The following C1orf146 variants were observed in gnomAD, a reference collection of about 807,000 sequenced individuals.
C1orf146 encodes protein SPO16 homolog.
In C1orf146, 22 loss-of-function variants were observed where a neutral mutation model predicts 23.0. That is an observed-to-expected ratio of 0.96 (90% CI 0.68 to 1.36). The LOEUF (loss-of-function observed/expected upper bound fraction) is 1.36. Ranked by LOEUF, C1orf146 falls within the 40% of genes most tolerant of loss-of-function variation. The probability of loss-of-function intolerance (pLI) is 0.00; values close to 1 mark genes in which losing one functional copy is unlikely to be tolerated. For missense variants in C1orf146, 199 were observed against 206.8 expected (o/e 0.96, Z 0.23); for synonymous variants, 59 against 65.3 (o/e 0.90, Z 0.47).
At chr1:92,242,064 C>T in intron 2 of C1orf146, 148 bp from the exon 3 acceptor site, 1 of 470,314 alleles carries the variant, frequency 2.1e-6, no homozygotes, top group Non-Finnish European at 3.7e-6. Flanking sequence ...AGTTTTTTCT[C>T]CATAGAAAGC....
At chr1:92,219,699 A>C (rs1271229223) in intron 1 of C1orf146, among the ~76,000 whole-genome samples, 3 of 151,654 alleles carry the variant, frequency 2.0e-5, no homozygotes, top group Non-Finnish European at 4.4e-5. Context: ...GCTGGAGTAC[A>C]GTTGTTATTT....
chr1:92,244,001 T>C (rs925706162), intron 3 of C1orf146, among the ~76,000 whole-genome samples: 2 of 152,148 alleles, frequency 1.3e-5, no homozygotes, highest in African/African-American at 4.8e-5. Context: ...AGTTTTTCTC[T>C]TATTTAGCAC....
intron 2 of C1orf146, among the ~76,000 whole-genome samples, chr1:92,232,002 T>C (rs1322112177): frequency 6.6e-6 from 1 of 152,176 alleles, no homozygotes; most frequent in African/African-American, 2.4e-5. Flanking sequence ...CCAGCTGATG[T>C]CTGGAATGAA....
rs1266071154 is a variant in C1orf146 at position 92,218,067 on chromosome 1, G to A, written c.-40+19G>A. ...TGAGCAGGTGGGTTTGCAGCGCTGGGGATGAGGCCTCGGCAGACCTGTCTC... is the reference window on the plus strand; with the variant it reads ...TGAGCAGGTGGGTTTGCAGCGCTGGAGATGAGGCCTCGGCAGACCTGTCTC... On this transcript the variant is annotated intron_variant, in intron 1 of 5. Coordinates refer to ENST00000370375, the MANE Select transcript of C1orf146 (RefSeq NM_001012425.2). 1.3e-5 allele frequency: 2 copies of A among 152,322 alleles called. No individual in the cohort carries two copies. The highest frequency in any genetic ancestry group is 4.8e-5 in the African/African-American group (2 of 41,452). 9.4% of individuals were successfully genotyped at this position (152,322 alleles called of 1,614,324 possible). A position where few individuals can be genotyped will look rare whatever the true frequency, so the allele number is the denominator to read the frequency against.
At chr1:92,241,840 T>C (rs1570798564) in intron 2 of C1orf146, among the ~76,000 whole-genome samples, 1 of 152,158 alleles carries the variant, frequency 6.6e-6, no homozygotes, top group East Asian at 1.9e-4. Context: ...TTGGGAGGAT[T>C]GCATGAACTC....
intron 1 of C1orf146, chr1:92,229,552 T>C (rs889648204): frequency 5.4e-6 from 2 of 370,016 alleles, no homozygotes; most frequent in Non-Finnish European, 1.1e-5. Flanking sequence ...TTTGTGCTGT[T>C]GGTTAATCTG....
At chr1:92,234,659 T>C (rs576288104) in intron 2 of C1orf146, among the ~76,000 whole-genome samples, 3 of 152,362 alleles carry the variant, frequency 2.0e-5, no homozygotes, top group African/African-American at 2.4e-5. Context: ...TCTTTTTCTA[T>C]TGATTGGAAT....
At chr1:92,223,668 G>A (rs1651891182) in intron 1 of C1orf146, among the ~76,000 whole-genome samples, 1 of 152,028 alleles carries the variant, frequency 6.6e-6, no homozygotes, top group Non-Finnish European at 1.5e-5. Flanking sequence ...GAGTAGCTGT[G>A]GACTACAGGT....
chr1:92,220,452 G>A (rs924947213), intron 1 of C1orf146, among the ~76,000 whole-genome samples: 2 of 152,148 alleles, frequency 1.3e-5, no homozygotes, highest in Admixed American at 1.3e-4. Context: ...AACTTAGATG[G>A]TGTAGTCTAC....
chr1:92,220,249 C>G (rs1651787653), intron 1 of C1orf146, among the ~76,000 whole-genome samples: 1 of 152,146 alleles, frequency 6.6e-6, no homozygotes, highest in South Asian at 2.1e-4. Flanking sequence ...GTACTTGTTG[C>G]TAGCACCCAG....
chr1:92,217,965 C>G lies in C1orf146; in HGVS notation c.-123C>G, dbSNP rs1651716252. 6.6e-6 allele frequency: 1 copy of G among 152,290 alleles called. No individual in the cohort carries two copies. Among genetic ancestry groups the G allele is most frequent in the East Asian group, 1.9e-4 (1 of 5,186 alleles). 9.4% of individuals were successfully genotyped at this position (152,290 alleles called of 1,614,324 possible). ...GCCCCAGGCACCCTGGGCGCTCTGC[C>G]CTACCGGCGGCGCCTCTCACTGCTC... On this transcript the variant is annotated 5_prime_UTR_variant, in exon 1 of 6. Coordinates refer to ENST00000370375, the MANE Select transcript of C1orf146 (RefSeq NM_001012425.2).
intron 2 of C1orf146, among the ~76,000 whole-genome samples, chr1:92,235,809 A>G (rs1213640032): frequency 2.0e-5 from 3 of 152,166 alleles, no homozygotes; most frequent in Non-Finnish European, 2.9e-5. Context: ...TTGGGTGCAT[A>G]TATATTTAGG....
chr1:92,231,466 A>G lies in C1orf146; in HGVS notation c.46A>G (p.Ile16Val). The G allele has an allele frequency of 6.2e-7, 1 of 1,611,166 alleles. No individual in the cohort carries two copies. The highest frequency in any genetic ancestry group is 2.2e-5 in the East Asian group (1 of 44,646). The change falls in exon 2 of 6, where the codon ATT (isoleucine) becomes GTT (valine). Residue 16 changes from isoleucine to valine, a missense_variant. Transcript: ENST00000370375. ...AAAAATAAAATGGACAACCACCATTATTATTAGCTCATCTCTTAAGGTAAA... is the reference window on the plus strand; with the variant it reads ...AAAAATAAAATGGACAACCACCATTGTTATTAGCTCATCTCTTAAGGTAAA... ...KEKIKWTTTI[I>V]ISSSLKSYEV...
rs375186929 is a variant in C1orf146 at position 92,244,959 on chromosome 1, G to C, written c.408+102G>C. The C allele has an allele frequency of 1.6e-3, 1,094 of 676,986 alleles. 16 individuals carry two copies. In the South Asian group the frequency reaches 0.023, roughly 14 times the overall value. 41.9% of individuals were successfully genotyped at this position (676,986 alleles called of 1,614,324 possible). ...CGAGACTGGCAAATATCATGCTTCT[G>C]TTCCCCTGCGGGAGTTGCTGTTTCA... is the stretch of plus-strand genomic sequence containing the variant. On this transcript the variant is annotated intron_variant, in intron 5 of 5. Transcript: ENST00000370375.
intron 2 of C1orf146, among the ~76,000 whole-genome samples, chr1:92,237,761 T>A (rs1052541781): frequency 1.3e-5 from 2 of 152,210 alleles, no homozygotes; most frequent in African/African-American, 4.8e-5. Flanking sequence ...ATTTGCCCAT[T>A]TTATAGAGGC....
In C1orf146 at chr1:92,233,447, G is replaced by C. The variant is rs552007084; in HGVS notation, c.66+1961G>C. Among the ~76,000 whole-genome samples, 890 of 152,018 alleles carry C rather than the reference G, an allele frequency of 5.9e-3. 7 individuals are homozygous for C. The highest frequency in any genetic ancestry group is 0.019 in the African/African-American group (770 of 41,426). ...ATATGCGGCGTTATTTCTGAGGGCT[G>C]TGTTCTGTTCCGTTGATCTATATCT... On this transcript the variant is annotated intron_variant, in intron 2 of 5. Transcript: ENST00000370375.
intron 2 of C1orf146, among the ~76,000 whole-genome samples, chr1:92,235,322 T>C (rs1198407432): frequency 6.6e-6 from 1 of 152,186 alleles, no homozygotes; most frequent in Non-Finnish European, 1.5e-5. Flanking sequence ...TTTGTTCTCA[T>C]TGGTTTCAAA....
At chr1:92,224,589 G>A (rs2100728873) in intron 1 of C1orf146, among the ~76,000 whole-genome samples, 1 of 152,278 alleles carries the variant, frequency 6.6e-6, no homozygotes, top group African/African-American at 2.4e-5. Context: ...ACATACTGAT[G>A]TTGAATTGTT....
At chr1:92,232,917 G>A (rs1214717324) in intron 2 of C1orf146, among the ~76,000 whole-genome samples, 1 of 152,178 alleles carries the variant, frequency 6.6e-6, no homozygotes, top group African/African-American at 2.4e-5. Flanking sequence ...CTTTTGGGAA[G>A]TGTCTGTTCA....
Sources: gnomAD v4.1 joint callset for allele counts (sites outside exome capture counted in the v4.1 genomes callset) on GRCh38, gnomAD v4.1.1 for gene constraint, MANE v1.5 for transcripts, NCBI Gene and HGNC (gene_info 2026-07-23, HGNC 2026-07-21) for gene names.